The following DIS3L2 variants were observed in gnomAD, a reference collection of about 807,000 sequenced individuals.
The protein encoded by DIS3L2 is DIS3 like 3'-5' exoribonuclease 2, also known as DIS3-like exonuclease 2.
Under a neutral mutation model 97.5 loss-of-function variants are expected in DIS3L2, and 34 were observed. The ratio of observed to expected loss-of-function variants is 0.35; its 90% CI spans 0.27 to 0.46. DIS3L2 has a LOEUF of 0.46. Among genes scored for constraint, DIS3L2 ranks in the 20% least tolerant of loss-of-function variants. The pLI, the probability that DIS3L2 is intolerant of heterozygous loss-of-function variation, is 1.00. For synonymous variants in DIS3L2, 435 were observed against 445.2 expected, an observed-to-expected ratio of 0.98 and a Z score of 0.29; for missense variants, 1,038 against 1,146.0, an observed-to-expected ratio of 0.91 and a Z score of 1.36.
At chr2:232,052,726 G>C (rs889131943) in intron 5 of DIS3L2, among the ~76,000 whole-genome samples, 1 of 152,154 alleles carries the variant, frequency 6.6e-6, no homozygotes, top group Non-Finnish European at 1.5e-5. Context: ...TGGTTTCACA[G>C]GTTGTTGCCT....
chr2:232,145,567 T>C (rs1018305155), intron 8 of DIS3L2, among the ~76,000 whole-genome samples: 5 of 152,226 alleles, frequency 3.3e-5, no homozygotes, highest in Admixed American at 1.3e-4. Context: ...CAGTAACTGA[T>C]AAAAGTTCAG....
intron 1 of DIS3L2, among the ~76,000 whole-genome samples, chr2:232,001,302 T>G (rs1693895031): frequency 6.6e-6 from 1 of 152,180 alleles, no homozygotes; most frequent in Non-Finnish European, 1.5e-5. Flanking sequence ...CCCCTAATGA[T>G]TAGTGATATT....
rs111934088 is a variant in DIS3L2 at position 232,069,240 on chromosome 2, A to C, written c.367-18247A>C. Among the ~76,000 whole-genome samples, 269 of 152,342 alleles carry C rather than the reference A, an allele frequency of 1.8e-3. 2 individuals carry two copies. Among genetic ancestry groups the C allele is most frequent in the African/African-American group, 6.2e-3 (259 of 41,574 alleles). ...TTTAAATATAGATGATCTTTATTTG[A>C]CAAGTTGTTTAACCTTTACAGGTTA... On this transcript the variant is annotated intron_variant, in intron 5 of 20. Coordinates refer to ENST00000325385, the MANE Select transcript of DIS3L2 (RefSeq NM_152383.5).
intron 6 of DIS3L2, among the ~76,000 whole-genome samples, chr2:232,096,232 G>A (rs1043901123): frequency 3.3e-5 from 5 of 151,786 alleles, no homozygotes; most frequent in Non-Finnish European, 2.9e-5. Context: ...GACTACAGGC[G>A]CCCGCCACCA....
intron 14 of DIS3L2, among the ~76,000 whole-genome samples, chr2:232,304,967 C>G (rs1045466435): frequency 6.6e-6 from 1 of 152,170 alleles, no homozygotes; most frequent in Non-Finnish European, 1.5e-5. Context: ...TCTGTTAATG[C>G]TGCATTGTAG....
At chr2:232,225,307 C>CA (rs1692615835) in intron 10 of DIS3L2, among the ~76,000 whole-genome samples, 1 of 151,874 alleles carries the variant, frequency 6.6e-6, no homozygotes. Flanking sequence ...CTCATAATAG[C>CA]AAAAAACCAA....
At chr2:232,122,279 TC>T (rs1368823116) in intron 6 of DIS3L2, among the ~76,000 whole-genome samples, 5 of 152,204 alleles carry the variant, frequency 3.3e-5, no homozygotes, top group African/African-American at 1.2e-4. Context: ...GATATTAATT[TC>T]ATTTAATCCT....
At chr2:232,221,756 G>T (rs1047379769) in intron 10 of DIS3L2, among the ~76,000 whole-genome samples, 1 of 151,944 alleles carries the variant, frequency 6.6e-6, no homozygotes, top group African/African-American at 2.4e-5. Flanking sequence ...AGCCGAGATC[G>T]CACCAGTGTA....
In DIS3L2 at chr2:232,336,785, C is replaced by CAA. The variant is rs1695970776; in HGVS notation, c.*157_*158dup. On this transcript the variant is annotated 3_prime_UTR_variant, in exon 21 of 21. Coordinates refer to ENST00000325385, the MANE Select transcript of DIS3L2 (RefSeq NM_152383.5). ...TAATTTTTGCAGCTCAACTTTTAAACAAACTGCAGGGGAGAGGGTGGGGCT... is the reference window on the plus strand; with the variant it reads ...TAATTTTTGCAGCTCAACTTTTAAACAAAAACTGCAGGGGAGAGGGTGGGGCT... The CAA allele has an allele frequency of 6.9e-7, 1 of 1,458,616 alleles. No individual in the cohort carries two copies. Among genetic ancestry groups the CAA allele is most frequent in the Non-Finnish European group, 9.0e-7 (1 of 1,114,606 alleles). The allele number at this position is 1,458,616 out of a possible 1,614,324, so 90.4% of individuals were successfully genotyped here. A position where few individuals can be genotyped will look rare whatever the true frequency, so the allele number is the denominator to read the frequency against.
rs1019727323 is a variant in DIS3L2 at position 232,337,170 on chromosome 2, T to C, written c.*540T>C. ...GATACTGGAGTCTCATTCTGCCTGATTAAAAATGGAATTAGTATGCAACAC... is the reference window on the plus strand; with the variant it reads ...GATACTGGAGTCTCATTCTGCCTGACTAAAAATGGAATTAGTATGCAACAC... On this transcript the variant is annotated 3_prime_UTR_variant, in exon 21 of 21. Coordinates refer to ENST00000325385, the MANE Select transcript of DIS3L2 (RefSeq NM_152383.5). The C allele has an allele frequency of 3.0e-6, 3 of 995,890 alleles. No homozygotes were observed. The highest frequency in any genetic ancestry group is 3.6e-6 in the Non-Finnish European group (3 of 837,922). 61.7% of individuals were successfully genotyped at this position (995,890 alleles called of 1,614,324 possible).
At chr2:232,036,646 T>G (rs535232335) in intron 5 of DIS3L2, among the ~76,000 whole-genome samples, 20 of 152,228 alleles carry the variant, frequency 1.3e-4, no homozygotes, top group Non-Finnish European at 2.6e-4. Flanking sequence ...TTTTTCCTCA[T>G]CTTTGTGGAT....
chr2:231,999,998 C>T (rs756828172), intron 1 of DIS3L2, among the ~76,000 whole-genome samples: 6 of 152,022 alleles, frequency 3.9e-5, no homozygotes, highest in Non-Finnish European at 8.8e-5. Flanking sequence ...TACTTGGCCC[C>T]TAGATATCCA....
chr2:232,044,635 T>C (rs944716915), intron 5 of DIS3L2, among the ~76,000 whole-genome samples: 2 of 152,170 alleles, frequency 1.3e-5, no homozygotes, highest in Non-Finnish European at 2.9e-5. Flanking sequence ...AAGTCAGAGC[T>C]TGGCTAGAGG....
At chr2:232,315,931 C>T (rs1198796313) in intron 14 of DIS3L2, among the ~76,000 whole-genome samples, 1 of 152,182 alleles carries the variant, frequency 6.6e-6, no homozygotes, top group Non-Finnish European at 1.5e-5. Flanking sequence ...ACACCTACCC[C>T]AAAGCTAGGT....
chr2:232,342,323 C>A (rs959805391), intron 13 of DIS3L2, among the ~76,000 whole-genome samples: 1 of 148,526 alleles, frequency 6.7e-6, no homozygotes, highest in Non-Finnish European at 1.5e-5. Context: ...ATACACATAG[C>A]TTCAAATTCA....
chr2:232,071,943 A>G (rs1696032837), intron 5 of DIS3L2, among the ~76,000 whole-genome samples: 1 of 152,220 alleles, frequency 6.6e-6, no homozygotes, highest in Admixed American at 6.5e-5. Context: ...GTCACTTAGA[A>G]GACCAGGGAA....
chr2:231,983,102 A>G (rs908917576), intron 1 of DIS3L2, among the ~76,000 whole-genome samples: 1 of 151,986 alleles, frequency 6.6e-6, no homozygotes, highest in African/African-American at 2.4e-5. Flanking sequence ...GTTTCACTCT[A>G]TGTATTTTAC....
chr2:232,226,928 C>T (rs1033843259), intron 10 of DIS3L2, among the ~76,000 whole-genome samples: 7 of 152,082 alleles, frequency 4.6e-5, no homozygotes, highest in East Asian at 1.9e-4. Context: ...CATGATCGTG[C>T]CACTGCACTC....
intron 13 of DIS3L2, among the ~76,000 whole-genome samples, chr2:232,295,338 A>C (rs1294238828): frequency 1.3e-5 from 2 of 151,770 alleles, no homozygotes; most frequent in Non-Finnish European, 2.9e-5. Flanking sequence ...TCAGGAAAGA[A>C]CCTAAAAAAT....
Sources: allele counts gnomAD v4.1 joint callset (sites outside exome capture counted in the v4.1 genomes callset), GRCh38; gene constraint gnomAD v4.1.1; transcripts MANE v1.5; gene names NCBI Gene and HGNC (gene_info 2026-07-23, HGNC 2026-07-21).